The following LCORL variants were observed in gnomAD, a reference collection of about 807,000 sequenced individuals.
LCORL encodes the protein ligand-dependent nuclear receptor corepressor-like protein.
LCORL carries 41 observed loss-of-function variants against 141.8 expected under a neutral mutation model. The ratio of observed to expected loss-of-function variants is 0.29; its 90% CI spans 0.23 to 0.38. The LOEUF is 0.38. Ranked by LOEUF, LCORL falls within the 10% of genes least tolerant of loss-of-function variation. The pLI is 1.00. For synonymous variants in LCORL, 618 were observed against 694.1 expected, an observed-to-expected ratio of 0.89 and a Z score of 1.72; for missense variants, 1,759 against 2,035.0, an observed-to-expected ratio of 0.86 and a Z score of 2.61.
chr4:17,880,910 A>C, intron 6 of LCORL: 2 of 937,860 alleles, frequency 2.1e-6, no homozygotes, highest in Non-Finnish European at 2.5e-6. Flanking sequence ...CCTAACAATC[A>C]GTTTATATTA....
At chr4:17,891,964 C>A (rs956601532) in intron 5 of LCORL, among the ~76,000 whole-genome samples, 4 of 152,124 alleles carry the variant, frequency 2.6e-5, no homozygotes, top group Non-Finnish European at 5.9e-5. Flanking sequence ...TAAAAAAAAT[C>A]CGTAAACTTA....
chr4:17,922,927 TGAG>T (rs908322798), intron 4 of LCORL, among the ~76,000 whole-genome samples: 2 of 152,190 alleles, frequency 1.3e-5, no homozygotes, highest in African/African-American at 2.4e-5. Context: ...CACCTTTGTC[TGAG>T]GAGATTAATC....
At chr4:17,876,362 A>C in exon 7 of LCORL, 1 of 1,230,876 alleles carries the variant, frequency 8.1e-7, no homozygotes, top group Non-Finnish European at 1.0e-6. Flanking sequence ...TATTTCTGTC[A>C]GCATGTTGGT....
chr4:17,914,680 G>C (rs890615932), intron 4 of LCORL, among the ~76,000 whole-genome samples: 2 of 152,152 alleles, frequency 1.3e-5, no homozygotes, highest in Non-Finnish European at 2.9e-5. Flanking sequence ...TGTAGGTTAG[G>C]AATTGTAAAC....
intron 1 of LCORL, among the ~76,000 whole-genome samples, chr4:17,998,411 A>G (rs1721253084): frequency 6.6e-6 from 1 of 152,062 alleles, no homozygotes; most frequent in African/African-American, 2.4e-5. Context: ...TGATAGTCTT[A>G]TTCTATAATT....
In LCORL at chr4:17,854,147, C is replaced by T. The variant is rs977313522; in HGVS notation, c.5603-8246G>A. Among the ~76,000 whole-genome samples the T allele has an allele frequency of 2.0e-5, 3 of 152,208 alleles. No homozygotes were observed. The East Asian group carries it at 5.8e-4, about 29-fold the overall frequency. The stretch of plus-strand genomic sequence containing the variant: ...TGGGGCAGAAGGAAGATTTGTAGAG[C>T]TCGAGTTCTGATCCTGAGTCCAATC... On this transcript the variant is annotated intron_variant, in intron 7 of 7. Coordinates refer to ENST00000635767, the Ensembl canonical transcript of LCORL.
intron 6 of LCORL, chr4:17,882,794 CAACT>C: frequency 1.0e-6 from 1 of 984,762 alleles, no homozygotes; most frequent in Non-Finnish European, 1.2e-6. Flanking sequence ...GTCATAACAT[CAACT>C]AACCAGCACA....
At chr4:17,910,046 A>AT (rs1442581561) in intron 4 of LCORL, among the ~76,000 whole-genome samples, 1 of 152,180 alleles carries the variant, frequency 6.6e-6, no homozygotes, top group Non-Finnish European at 1.5e-5. Context: ...TTCAGCACGG[A>AT]TATCCTAAGA....
At chr4:17,841,621 C>T (rs1218141937) in exon 8 of LCORL, 1 of 151,842 alleles carries the variant, frequency 6.6e-6, no homozygotes, top group Non-Finnish European at 1.5e-5. Context: ...GTATATCACA[C>T]CATGAGAACA....
At chr4:17,998,857 C>T (rs1054220639) in intron 1 of LCORL, among the ~76,000 whole-genome samples, 16 of 147,744 alleles carry the variant, frequency 1.1e-4, no homozygotes, top group Admixed American at 9.6e-4. Flanking sequence ...CTTAGCTAAT[C>T]AGGAGGCTGA....
intron 5 of LCORL, chr4:17,893,248 T>A: frequency 2.4e-6 from 1 of 421,958 alleles, no homozygotes; most frequent in South Asian, 1.0e-4. Context: ...GATCCAGCAA[T>A]TTCACTTCTA....
At chr4:17,929,531 C>T (rs1259156410) in intron 4 of LCORL, among the ~76,000 whole-genome samples, 3 of 152,090 alleles carry the variant, frequency 2.0e-5, no homozygotes, top group Admixed American at 2.0e-4. Context: ...ATAATCTTTT[C>T]AACAAATTAT....
chr4:17,911,987 G>A (rs969885756), intron 4 of LCORL: 1 of 631,538 alleles, frequency 1.6e-6, no homozygotes, highest in African/African-American at 1.8e-5. Context: ...TACCTGGACA[G>A]AGTGAGGAGC....
At chr4:18,014,825 T>C (rs1724387649) in intron 1 of LCORL, among the ~76,000 whole-genome samples, 1 of 152,228 alleles carries the variant, frequency 6.6e-6, no homozygotes, top group African/African-American at 2.4e-5. Flanking sequence ...CACATTCTCT[T>C]ATCTAGATTG....
chr4:17,845,652 T>A, exon 8 of LCORL: 2 of 1,110,210 alleles, frequency 1.8e-6, no homozygotes, highest in Non-Finnish European at 2.5e-6. Flanking sequence ...CAAGATCAAT[T>A]GATAAATGCT....
At chr4:17,841,761 C>T (rs906615684) in exon 8 of LCORL, 7 of 151,996 alleles carry the variant, frequency 4.6e-5, no homozygotes, top group African/African-American at 1.5e-4. Context: ...ATCTTATAAT[C>T]CCCAGTATAT....
intron 4 of LCORL, among the ~76,000 whole-genome samples, chr4:17,943,714 C>G (rs1017608684): frequency 1.2e-4 from 18 of 152,002 alleles, no homozygotes; most frequent in African/African-American, 2.9e-4. Flanking sequence ...GTCTCAATAG[C>G]CCATGTAGAA....
intron 1 of LCORL, among the ~76,000 whole-genome samples, chr4:17,996,101 T>C (rs1230657338): frequency 6.6e-6 from 1 of 152,086 alleles, no homozygotes; most frequent in African/African-American, 2.4e-5. Context: ...AAACTAGAAA[T>C]ATACAATTCA....
chr4:18,003,773 T>G (rs538232842), intron 1 of LCORL, among the ~76,000 whole-genome samples: 2 of 152,204 alleles, frequency 1.3e-5, no homozygotes, highest in African/African-American at 2.4e-5. Context: ...TTACAATCAC[T>G]CTATCAACTG....
Sources: gnomAD v4.1 joint callset for allele counts (sites outside exome capture counted in the v4.1 genomes callset) on GRCh38, gnomAD v4.1.1 for gene constraint, MANE v1.5 for transcripts, NCBI Gene and HGNC (gene_info 2026-07-23, HGNC 2026-07-21) for gene names.